The following SIPA1L2 variants were observed in gnomAD, a reference collection of about 807,000 sequenced individuals.
The protein encoded by SIPA1L2 is signal-induced proliferation-associated 1-like protein 2.
In SIPA1L2, 56 loss-of-function variants were observed where a neutral mutation model predicts 163.9. That is an observed-to-expected ratio of 0.34 (90% CI 0.28 to 0.43). SIPA1L2 has a LOEUF of 0.43. Ranked by LOEUF, SIPA1L2 falls within the 20% of genes least tolerant of loss-of-function variation. SIPA1L2 has a pLI of 1.00. For synonymous variants in SIPA1L2, 877 were observed against 865.7 expected (o/e 1.01, Z -0.23); for missense variants, 1,974 against 2,193.5 (o/e 0.90, Z 2.00).
At chr1:232,473,723 T>G (rs1401362107) in intron 7 of SIPA1L2, among the ~76,000 whole-genome samples, 1 of 152,218 alleles carries the variant, frequency 6.6e-6, no homozygotes, top group Non-Finnish European at 1.5e-5. Flanking sequence ...AAAAATGTTT[T>G]CAAAAGTCTA....
intron 1 of SIPA1L2, among the ~76,000 whole-genome samples, chr1:232,612,179 T>A (rs1464875760): frequency 6.6e-6 from 1 of 152,226 alleles, no homozygotes; most frequent in Non-Finnish European, 1.5e-5. Context: ...GCAGGATGTA[T>A]GCAAATACCT....
intron 2 of SIPA1L2, among the ~76,000 whole-genome samples, chr1:232,530,619 C>T (rs972243291): frequency 6.6e-6 from 1 of 152,194 alleles, no homozygotes; most frequent in Non-Finnish European, 1.5e-5. Context: ...TTTTGCCCAG[C>T]GGTTCCCAAA....
chr1:232,454,038 G>A lies in SIPA1L2; in HGVS notation c.3095+6849C>T, dbSNP rs142369072. 3.4e-3 allele frequency among the ~76,000 whole-genome samples: 519 copies of A among 152,126 alleles called. 7 individuals are homozygous for A. Among genetic ancestry groups the A allele is most frequent in the African/African-American group, 0.012 (501 of 41,470 alleles). ...TGACAGGGGTAATTGATGCTCATTC[G>A]CTTGAATCACAAACTCTTTCTGGTA... is the stretch of plus-strand genomic sequence containing the variant. On this transcript the variant is annotated intron_variant, in intron 10 of 22. Transcript: ENST00000674635.
At chr1:232,501,397 C>T (rs1002706017) in intron 3 of SIPA1L2, among the ~76,000 whole-genome samples, 28 of 152,008 alleles carry the variant, frequency 1.8e-4, no homozygotes, top group African/African-American at 5.1e-4. Context: ...CTGACCCTAC[C>T]GCATCTCTGA....
At chr1:232,593,731 AC>A (rs2102834054) in intron 1 of SIPA1L2, among the ~76,000 whole-genome samples, 2 of 152,270 alleles carry the variant, frequency 1.3e-5, no homozygotes, top group East Asian at 3.9e-4. Context: ...ACACGCACAC[AC>A]AAAAATAAAT....
At chr1:232,469,691 C>A (rs1664701909) in intron 8 of SIPA1L2, among the ~76,000 whole-genome samples, 2 of 151,802 alleles carry the variant, frequency 1.3e-5, no homozygotes, top group African/African-American at 4.8e-5. Flanking sequence ...ATCTTTATCA[C>A]AGAAAAAATA....
At chr1:232,419,530 G>A (rs1246880994) in intron 18 of SIPA1L2, among the ~76,000 whole-genome samples, 1 of 152,094 alleles carries the variant, frequency 6.6e-6, no homozygotes, top group African/African-American at 2.4e-5. Context: ...TCATGATAAT[G>A]AGTGAGTTCT....
rs563529633 is a variant in SIPA1L2, at chr1:232,464,993, C to T, written c.2667G>A (p.Lys889=). ...EFIMLIEKDS[K]NVVFNCSCRD... is the part of the protein sequence containing the mutation. Reference sequence around the variant, plus strand: ...TGCAGGAACAGTTGAATACAACATTCTTGGAATCCTTTTCAATCAACATGA... The same window carrying T: ...TGCAGGAACAGTTGAATACAACATTTTTGGAATCCTTTTCAATCAACATGA... The change falls in exon 9 of 23, where the codon AAG becomes AAA. Residue 889 remains lysine (K), a synonymous_variant. Transcript: ENST00000674635. 14 of 1,614,168 alleles carry T rather than the reference C, an allele frequency of 8.7e-6. No individual in the cohort carries two copies. In the Admixed American group the frequency reaches 2.2e-4, roughly 25 times the overall value.
chr1:232,512,704 C>T (rs1221756029), intron 3 of SIPA1L2, among the ~76,000 whole-genome samples: 1 of 152,104 alleles, frequency 6.6e-6, no homozygotes, highest in Non-Finnish European at 1.5e-5. Context: ...GGGCTTAAAA[C>T]CCAGATGATG....
At chr1:232,535,578 T>TA (rs1225656007) in intron 2 of SIPA1L2, among the ~76,000 whole-genome samples, 1 of 152,212 alleles carries the variant, frequency 6.6e-6, no homozygotes, top group Non-Finnish European at 1.5e-5. Flanking sequence ...TCCCAGGTTC[T>TA]AAAAGAATAA....
At chr1:232,494,906 G>T (rs1572982289) in intron 3 of SIPA1L2, among the ~76,000 whole-genome samples, 2 of 152,064 alleles carry the variant, frequency 1.3e-5, no homozygotes, top group Admixed American at 6.6e-5. Flanking sequence ...TCAAAAAATC[G>T]ATTTTTTTTC....
intron 1 of SIPA1L2, among the ~76,000 whole-genome samples, chr1:232,623,047 A>G (rs562859189): frequency 6.8e-4 from 104 of 152,142 alleles, no homozygotes; most frequent in Non-Finnish European, 4.7e-4. Flanking sequence ...ATTAAAATCG[A>G]ACAGGAGGAT....
intron 1 of SIPA1L2, among the ~76,000 whole-genome samples, chr1:232,599,492 T>C (rs1357161096): frequency 2.0e-5 from 3 of 152,172 alleles, no homozygotes; most frequent in Non-Finnish European, 4.4e-5. Context: ...CTGTACGCTA[T>C]CAAATCAAAA....
chr1:232,486,330 A>G (rs1040890364), intron 5 of SIPA1L2, among the ~76,000 whole-genome samples: 42 of 152,292 alleles, frequency 2.8e-4, no homozygotes, highest in African/African-American at 9.6e-4. Flanking sequence ...ATGAGACCTC[A>G]TTGCTGACTG....
intron 2 of SIPA1L2, among the ~76,000 whole-genome samples, chr1:232,528,102 A>C (rs7512764): frequency 0.46 from 54,279 of 118,182 alleles, 17,490 homozygotes; most frequent in Non-Finnish European, 0.48. Context: ...ATATATATAT[A>C]ATCAACTTTC....
intron 2 of SIPA1L2, among the ~76,000 whole-genome samples, chr1:232,549,351 T>G (rs1658244049): frequency 6.6e-6 from 1 of 152,230 alleles, no homozygotes; most frequent in Non-Finnish European, 1.5e-5. Flanking sequence ...CTTTTCAACC[T>G]GCCTGTCACT....
intron 3 of SIPA1L2, among the ~76,000 whole-genome samples, chr1:232,503,933 A>G (rs1040301227): frequency 6.6e-6 from 1 of 152,174 alleles, no homozygotes; most frequent in South Asian, 2.1e-4. Context: ...GCTCCGGCCT[A>G]TAATCCCAGC....
At chr1:232,613,784 T>C (rs537152953) in intron 1 of SIPA1L2, among the ~76,000 whole-genome samples, 4 of 152,302 alleles carry the variant, frequency 2.6e-5, no homozygotes, top group Admixed American at 2.6e-4. Context: ...GCACAGAATA[T>C]GACCTTTCAG....
chr1:232,554,705 G>A (rs538582691), intron 2 of SIPA1L2, among the ~76,000 whole-genome samples: 2 of 152,356 alleles, frequency 1.3e-5, no homozygotes. Context: ...TGCATCAGCC[G>A]TGTTTGGTGT....
Sources: allele counts gnomAD v4.1 joint callset (sites outside exome capture counted in the v4.1 genomes callset), GRCh38; gene constraint gnomAD v4.1.1; transcripts MANE v1.5; gene names NCBI Gene and HGNC (gene_info 2026-07-23, HGNC 2026-07-21).